Variants in ADD1 observed in about 807,000 individuals in gnomAD.
The protein encoded by ADD1 is alpha-adducin.
Under a neutral mutation model 80.5 loss-of-function variants are expected in ADD1, and 24 were observed. The observed-to-expected ratio is 0.30, with a 90% CI of 0.22 to 0.42. The LOEUF (loss-of-function observed/expected upper bound fraction) is 0.42. Among genes scored for constraint, ADD1 ranks in the 10% least tolerant of loss-of-function variants. ADD1 has a pLI of 1.00. For missense variants in ADD1, 948 were observed against 1,019.0 expected (o/e 0.93, Z 0.95); for synonymous variants, 373 against 393.8 (o/e 0.95, Z 0.63).
intron 13 of ADD1, among the ~76,000 whole-genome samples, chr4:2,911,826 G>A (rs28510410): frequency 0.032 from 4,924 of 152,212 alleles, 119 homozygotes; most frequent in African/African-American, 0.067. Context: ...AGATGAAGAT[G>A]TGAGTCTACA....
intron 13 of ADD1, among the ~76,000 whole-genome samples, chr4:2,911,656 A>G: frequency 6.6e-6 from 1 of 151,926 alleles, no homozygotes. Context: ...GGGTTCCGCC[A>G]CGTTGCCCAG....
intron 1 of ADD1, among the ~76,000 whole-genome samples, chr4:2,862,982 C>T (rs1367759400): frequency 6.6e-6 from 1 of 152,154 alleles, no homozygotes; most frequent in Non-Finnish European, 1.5e-5. Flanking sequence ...GGATCTGCCA[C>T]TTCTCTCCAT....
intron 2 of ADD1, among the ~76,000 whole-genome samples, chr4:2,878,752 T>C (rs1391696141): frequency 1.3e-5 from 2 of 152,182 alleles, no homozygotes; most frequent in Non-Finnish European, 2.9e-5. Flanking sequence ...ATTGCACCAC[T>C]GCACTCCAGC....
chr4:2,918,528 T>C, intron 14 of ADD1, among the ~76,000 whole-genome samples: 1 of 152,204 alleles, frequency 6.6e-6, no homozygotes, highest in Non-Finnish European at 1.5e-5. Flanking sequence ...CTGATTGCCG[T>C]GGCCAGAACT....
chr4:2,867,400 T>C (rs6819310), intron 1 of ADD1, among the ~76,000 whole-genome samples: 32,584 of 152,110 alleles, frequency 0.21, 4,242 homozygotes, highest in Non-Finnish European at 0.28. Flanking sequence ...GGCTCAGTAC[T>C]GACCCTTGGA....
chr4:2,885,891 T>G (rs1056532524), intron 4 of ADD1, among the ~76,000 whole-genome samples: 1 of 152,106 alleles, frequency 6.6e-6, no homozygotes, highest in Non-Finnish European at 1.5e-5. Context: ...ATTACAGGCG[T>G]GAGCCACCCT....
chr4:2,885,890 G>T (rs376751477), intron 4 of ADD1, among the ~76,000 whole-genome samples: 1 of 152,042 alleles, frequency 6.6e-6, no homozygotes, highest in Non-Finnish European at 1.5e-5. Flanking sequence ...GATTACAGGC[G>T]TGAGCCACCC....
At chr4:2,927,217 C>T (rs111776355) in intron 15 of ADD1, among the ~76,000 whole-genome samples, 2 of 152,328 alleles carry the variant, frequency 1.3e-5, no homozygotes, top group Non-Finnish European at 2.9e-5. Flanking sequence ...CCCAGCAGAG[C>T]GGGCCCCATC....
At chr4:2,857,241 T>C (rs1290552892) in intron 1 of ADD1, among the ~76,000 whole-genome samples, 2 of 152,186 alleles carry the variant, frequency 1.3e-5, no homozygotes, top group Non-Finnish European at 2.9e-5. Context: ...TGTGTTTTAA[T>C]TCGCAAATTC....
Position 2,880,463 on chromosome 4 carries a change from C to CTTTTTTTTTTT in ADD1, c.196-1415_196-1405dup, listed in dbSNP as rs1167878841. ...TGTTTGACAAGATATTTCTTTCTTT[C>CTTTTTTTTTTT]TTTTTTTTTTTTTTTTTTTTTTTTT... On this transcript the variant is annotated intron_variant, in intron 2 of 15. Coordinates refer to ENST00000683351, the MANE Select transcript of ADD1 (RefSeq NM_001354761.2). 4.0e-4 allele frequency among the ~76,000 whole-genome samples: 25 copies of CTTTTTTTTTTT among 63,168 alleles called. 3 individuals are homozygous for CTTTTTTTTTTT. The highest frequency in any genetic ancestry group is 1.1e-3 in the East Asian group (2 of 1,858). 41.4% of individuals were successfully genotyped at this position (63,168 alleles called of 152,430 possible).
At chr4:2,907,548 T>G in intron 10 of ADD1, 195 bp from the exon 11 acceptor site, 2 of 519,196 alleles carry the variant, frequency 3.9e-6, no homozygotes, top group Non-Finnish European at 7.1e-6. Context: ...CTTCCAGCAT[T>G]AACTGGTCTT....
At chr4:2,903,120 A>G (rs1736464939) in intron 9 of ADD1, among the ~76,000 whole-genome samples, 1 of 152,172 alleles carries the variant, frequency 6.6e-6, no homozygotes. Context: ...CCCAGAGGGG[A>G]GAGAGAATTC....
chr4:2,855,253 G>C (rs1727891860), intron 1 of ADD1, among the ~76,000 whole-genome samples: 1 of 152,138 alleles, frequency 6.6e-6, no homozygotes, highest in Non-Finnish European at 1.5e-5. Flanking sequence ...CTTACTAAAA[G>C]AGTGTCTCTT....
chr4:2,864,241 C>T (rs976754671), intron 1 of ADD1, among the ~76,000 whole-genome samples: 10 of 152,038 alleles, frequency 6.6e-5, no homozygotes, highest in African/African-American at 2.2e-4. Flanking sequence ...GGTGAAACCC[C>T]ATCTCTACTA....
intron 4 of ADD1, among the ~76,000 whole-genome samples, chr4:2,890,559 A>T (rs1050734904): frequency 6.6e-6 from 1 of 151,936 alleles, no homozygotes; most frequent in Non-Finnish European, 1.5e-5. Flanking sequence ...GTCGCCCGCC[A>T]CCACACCCGG....
At chr4:2,899,713 C>G (rs983300500) in intron 9 of ADD1, 1 of 447,924 alleles carries the variant, frequency 2.2e-6, no homozygotes, top group African/African-American at 2.0e-5. Context: ...GCTGGATGAC[C>G]AGCTGTGTCA....
At chr4:2,882,938 G>T (rs181554744) in intron 3 of ADD1, among the ~76,000 whole-genome samples, 3 of 152,042 alleles carry the variant, frequency 2.0e-5, no homozygotes, top group Non-Finnish European at 4.4e-5. Context: ...TCAGCTCCCT[G>T]CAAACTACCA....
At chr4:2,892,443 A>C (rs1040168738) in intron 4 of ADD1, among the ~76,000 whole-genome samples, 5 of 152,172 alleles carry the variant, frequency 3.3e-5, no homozygotes, top group Non-Finnish European at 5.9e-5. Flanking sequence ...GTGTAAACCA[A>C]ATCTGCATTG....
At chr4:2,873,523 C>G (rs1004904533) in intron 1 of ADD1, among the ~76,000 whole-genome samples, 2 of 152,220 alleles carry the variant, frequency 1.3e-5, no homozygotes, top group African/African-American at 4.8e-5. Context: ...ATCCCATTCA[C>G]ACAGCAATTT....
Sources: allele counts gnomAD v4.1 joint callset (sites outside exome capture counted in the v4.1 genomes callset), GRCh38; gene constraint gnomAD v4.1.1; transcripts MANE v1.5; gene names NCBI Gene and HGNC (gene_info 2026-07-23, HGNC 2026-07-21).